The following FSHR variants were observed in gnomAD, a reference collection of about 807,000 sequenced individuals.
FSHR encodes the protein follicle stimulating hormone receptor.
In FSHR, 46 loss-of-function variants were observed where a neutral mutation model predicts 52.1. The observed-to-expected ratio is 0.88, with a 90% CI of 0.70 to 1.13. The LOEUF is 1.13. FSHR is among the 50% of genes most tolerant of loss of function. The probability of loss-of-function intolerance (pLI) is 0.00; values close to 1 mark genes in which losing one functional copy is unlikely to be tolerated. For synonymous variants in FSHR, 399 were observed against 309.6 expected, an observed-to-expected ratio of 1.29 and a Z score of -3.03; for missense variants, 964 against 834.6, an observed-to-expected ratio of 1.16 and a Z score of -1.91.
At chr2:49,104,643 G>C (rs1671159548) in intron 1 of FSHR, among the ~76,000 whole-genome samples, 1 of 152,138 alleles carries the variant, frequency 6.6e-6, no homozygotes, top group Non-Finnish European at 1.5e-5. Context: ...ATGTAGAGTG[G>C]CATGAGAAAG....
At chr2:49,014,866 G>GA (rs1184119961) in intron 4 of FSHR, 2 of 467,624 alleles carry the variant, frequency 4.3e-6, no homozygotes, top group South Asian at 3.1e-5. Context: ...TCATGTCCTA[G>GA]AGAGCATTTG....
At chr2:48,979,843 T>G (rs1178932289) in intron 8 of FSHR, among the ~76,000 whole-genome samples, 2 of 152,034 alleles carry the variant, frequency 1.3e-5, no homozygotes, top group African/African-American at 4.8e-5. Flanking sequence ...GAGCGGGGAC[T>G]GCAATCTGAC....
intron 2 of FSHR, among the ~76,000 whole-genome samples, chr2:49,052,717 C>T (rs1364751488): frequency 6.6e-6 from 1 of 152,166 alleles, no homozygotes. Flanking sequence ...GAATCATCAG[C>T]CTCTCCTTTT....
intron 1 of FSHR, among the ~76,000 whole-genome samples, chr2:49,142,996 A>T (rs1297578470): frequency 6.6e-6 from 1 of 152,160 alleles, no homozygotes; most frequent in African/African-American, 2.4e-5. Context: ...CAAGTGGAGA[A>T]GTCAAGGTTT....
intron 1 of FSHR, among the ~76,000 whole-genome samples, chr2:49,132,130 T>C (rs1672299988): frequency 6.6e-6 from 1 of 152,168 alleles, no homozygotes; most frequent in Admixed American, 6.6e-5. Flanking sequence ...TGTTTAAGTG[T>C]TTAGTAAAGA....
intron 8 of FSHR, among the ~76,000 whole-genome samples, chr2:48,970,951 G>C (rs750001040): frequency 1.3e-4 from 20 of 152,016 alleles, no homozygotes; most frequent in Non-Finnish European, 2.5e-4. Flanking sequence ...CTGTGACTTT[G>C]GTCTAAGTCA....
At chr2:48,998,720 T>A (rs1676131719) in intron 4 of FSHR, among the ~76,000 whole-genome samples, 1 of 151,992 alleles carries the variant, frequency 6.6e-6, no homozygotes, top group African/African-American at 2.4e-5. Flanking sequence ...TTCTCAACTT[T>A]GACAGCCATT....
At chr2:49,075,830 G>A (rs1279204037) in intron 1 of FSHR, among the ~76,000 whole-genome samples, 1 of 151,890 alleles carries the variant, frequency 6.6e-6, no homozygotes, top group Non-Finnish European at 1.5e-5. Context: ...GGGAGAGACA[G>A]GGTTTTACCA....
chr2:49,061,905 C>T (rs1401256538), intron 2 of FSHR, among the ~76,000 whole-genome samples: 1 of 148,130 alleles, frequency 6.8e-6, no homozygotes, highest in Non-Finnish European at 1.5e-5. Flanking sequence ...CACTCAGATG[C>T]ATAAAGCAAA....
intron 4 of FSHR, among the ~76,000 whole-genome samples, chr2:48,994,213 A>C (rs905620644): frequency 6.6e-6 from 1 of 152,174 alleles, no homozygotes; most frequent in Non-Finnish European, 1.5e-5. Flanking sequence ...TACTCATTCA[A>C]CGTTATTTGG....
Position 49,068,178 on chromosome 2 carries a change from C to T in FSHR, c.224+41G>A, listed in dbSNP as rs143176607. The stretch of plus-strand genomic sequence containing the variant: ...TGTGGTCTGAGGTTGCTCCCTATAG[C>T]CCCCTTGAGGCATTCACTCACAGCA... On this transcript the variant is annotated intron_variant, in intron 2 of 9. Coordinates refer to ENST00000406846, the MANE Select transcript of FSHR (RefSeq NM_000145.4). 2.1e-4 allele frequency: 319 copies of T among 1,508,072 alleles called. No individual in the cohort carries two copies. In the African/African-American group the frequency reaches 4.1e-3, roughly 19 times the overall value. 93.4% of individuals were successfully genotyped at this position (1,508,072 alleles called of 1,614,324 possible). A position where few individuals can be genotyped will look rare whatever the true frequency, so the allele number is the denominator to read the frequency against.
At position 49,091,821 on chromosome 2, in the gene FSHR, AT is replaced by A. The variant is rs577928188; in HGVS notation, c.153-23532del. On this transcript the variant is annotated intron_variant, in intron 1 of 9. Coordinates refer to ENST00000406846, the MANE Select transcript of FSHR (RefSeq NM_000145.4). ...TAAATTGGTTAACATGAGTTCTCTGATTTGGTTCTTCTTTGTCAAAATTATT... is the reference window on the plus strand; with the variant it reads ...TAAATTGGTTAACATGAGTTCTCTGATTGGTTCTTCTTTGTCAAAATTATT... Among the ~76,000 whole-genome samples, 36 of 152,080 alleles carry A rather than the reference AT, an allele frequency of 2.4e-4. 1 individual carries two copies. Among genetic ancestry groups the A allele is most frequent in the Non-Finnish European group, 4.7e-4 (32 of 68,002 alleles).
At chr2:48,964,881 C>T (rs143143712) in intron 9 of FSHR, among the ~76,000 whole-genome samples, 1 of 152,068 alleles carries the variant, frequency 6.6e-6, no homozygotes, top group East Asian at 1.9e-4. Flanking sequence ...ATATTCTACC[C>T]CAGAGTAGTA....
At chr2:49,114,729 G>T (rs1671538325) in intron 1 of FSHR, among the ~76,000 whole-genome samples, 1 of 152,122 alleles carries the variant, frequency 6.6e-6, no homozygotes, top group Non-Finnish European at 1.5e-5. Context: ...CAGAAGTTGG[G>T]ATGGTTTCTC....
At chr2:49,003,229 C>T (rs1021925843) in intron 4 of FSHR, among the ~76,000 whole-genome samples, 2 of 152,152 alleles carry the variant, frequency 1.3e-5, no homozygotes, top group African/African-American at 4.8e-5. Context: ...CTAAAAACAG[C>T]AGCTGCTCCC....
Position 49,127,858 on chromosome 2 carries a change from TC to T in FSHR, c.152+26407del, listed in dbSNP as rs1672105870. Among the ~76,000 whole-genome samples, 31 of 36,060 alleles carry T rather than the reference TC, an allele frequency of 8.6e-4. 3 individuals are homozygous for T. Among genetic ancestry groups the T allele is most frequent in the African/African-American group, 5.6e-3 (24 of 4,260 alleles). The allele number at this position is 36,060 out of a possible 152,430, so 23.7% of individuals were successfully genotyped here. A position where few individuals can be genotyped will look rare whatever the true frequency, so the allele number is the denominator to read the frequency against. ...TTCTTCTTCTTCTTCTTCTTCTTCT[TC>T]TTCTTCTTCTTCTTCTTCTTCTTCT... On this transcript the variant is annotated intron_variant, in intron 1 of 9. Transcript: ENST00000406846.
chr2:49,110,783 C>G (rs1003469667), intron 1 of FSHR, among the ~76,000 whole-genome samples: 10 of 152,258 alleles, frequency 6.6e-5, no homozygotes, highest in African/African-American at 2.2e-4. Context: ...GACAACATTT[C>G]CAGCCCCCTT....
intron 1 of FSHR, among the ~76,000 whole-genome samples, chr2:49,103,549 C>G (rs1008228669): frequency 6.6e-6 from 1 of 152,104 alleles, no homozygotes; most frequent in African/African-American, 2.4e-5. Context: ...CAGCCAATAA[C>G]TGACATCCAA....
intron 1 of FSHR, among the ~76,000 whole-genome samples, chr2:49,080,702 G>T (rs1296118856): frequency 6.6e-6 from 1 of 152,142 alleles, no homozygotes; most frequent in African/African-American, 2.4e-5. Flanking sequence ...TATTTTTGAT[G>T]CTTTGACATC....
Sources: allele counts gnomAD v4.1 joint callset (sites outside exome capture counted in the v4.1 genomes callset), GRCh38; gene constraint gnomAD v4.1.1; transcripts MANE v1.5; gene names NCBI Gene and HGNC (gene_info 2026-07-23, HGNC 2026-07-21).